CCDC126: variants seen among roughly 807,000 people sequenced by gnomAD.
The protein encoded by CCDC126 is coiled-coil domain-containing protein 126.
A neutral mutation model predicts 11.7 loss-of-function variants in CCDC126; 5 were observed. That is an observed-to-expected ratio of 0.43 (90% CI 0.22 to 0.90). The LOEUF (loss-of-function observed/expected upper bound fraction) is 0.90. CCDC126 is among the 40% of genes least tolerant of loss of function. The probability of loss-of-function intolerance (pLI) is 0.27; values close to 1 mark genes in which losing one functional copy is unlikely to be tolerated. For synonymous variants in CCDC126, 60 were observed against 61.9 expected (o/e 0.97, Z 0.14); for missense variants, 150 against 163.1 (o/e 0.92, Z 0.44).
intron 2 of CCDC126, among the ~76,000 whole-genome samples, chr7:23,606,406 T>C (rs1326845896): frequency 1.2e-4 from 18 of 150,754 alleles, no homozygotes; most frequent in Non-Finnish European, 2.5e-4. Context: ...AGGTTGAGCA[T>C]TTTTTTTTAT....
intron 3 of CCDC126, among the ~76,000 whole-genome samples, chr7:23,637,758 G>C (rs1221411730): frequency 4.5e-5 from 3 of 67,226 alleles, no homozygotes; most frequent in Non-Finnish European, 6.5e-5. Context: ...GGTGAGGGGC[G>C]CCTCTGCCCG....
chr7:23,613,872 G>T (rs570592549), intron 3 of CCDC126, among the ~76,000 whole-genome samples: 1 of 152,192 alleles, frequency 6.6e-6, no homozygotes. Context: ...TCTCTTAAGT[G>T]TGCAGTAGCA....
chr7:23,633,486 T>G (rs552356126), intron 3 of CCDC126, among the ~76,000 whole-genome samples: 1 of 152,288 alleles, frequency 6.6e-6, no homozygotes, highest in East Asian at 1.9e-4. Flanking sequence ...ATATTTAGTT[T>G]GTATTTCTTT....
At chr7:23,631,503 A>G (rs1783113760) in intron 3 of CCDC126, among the ~76,000 whole-genome samples, 1 of 152,198 alleles carries the variant, frequency 6.6e-6, no homozygotes, top group African/African-American at 2.4e-5. Flanking sequence ...GCGGTGGCTC[A>G]CGTCTGTAAT....
At chr7:23,610,165 G>A (rs1782685474) in intron 2 of CCDC126, among the ~76,000 whole-genome samples, 1 of 151,928 alleles carries the variant, frequency 6.6e-6, no homozygotes, top group Admixed American at 6.6e-5. Flanking sequence ...TTAAAATTTG[G>A]AATTGTAAAT....
At chr7:23,627,349 T>TA (rs796273654) in intron 3 of CCDC126, among the ~76,000 whole-genome samples, 1,827 of 145,622 alleles carry the variant, frequency 0.013, 36 homozygotes, top group African/African-American at 0.043. Flanking sequence ...ACCCTGGCTC[T>TA]AAAAAAAAAA....
intron 3 of CCDC126, among the ~76,000 whole-genome samples, chr7:23,624,266 C>T (rs1430105844): frequency 6.6e-6 from 1 of 152,136 alleles, no homozygotes; most frequent in Non-Finnish European, 1.5e-5. Context: ...TGCCTGTGTT[C>T]ACTTCACCAT....
chr7:23,616,588 C>T (rs539291480), intron 3 of CCDC126, among the ~76,000 whole-genome samples: 20 of 152,232 alleles, frequency 1.3e-4, no homozygotes, highest in Non-Finnish European at 2.5e-4. Flanking sequence ...AATAATTTTC[C>T]TTGAGATTTT....
intron 3 of CCDC126, among the ~76,000 whole-genome samples, chr7:23,640,325 C>G (rs1427352383): frequency 6.6e-6 from 1 of 151,484 alleles, no homozygotes; most frequent in Non-Finnish European, 1.5e-5. Context: ...TGGAGAAACC[C>G]CACATCTACT....
At chr7:23,604,040 A>C (rs1000620706) in intron 2 of CCDC126, 4 of 152,346 alleles carry the variant, frequency 2.6e-5, no homozygotes, top group East Asian at 3.9e-4. Flanking sequence ...AAATCATTCT[A>C]TCCGAGGTAA....
chr7:23,621,273 TCTC>T (rs1241190460), intron 3 of CCDC126, among the ~76,000 whole-genome samples: 1 of 152,162 alleles, frequency 6.6e-6, no homozygotes, highest in African/African-American at 2.4e-5. Context: ...GGTTTGTAGT[TCTC>T]CTTGAAGAGG....
In CCDC126 at chr7:23,642,760, C is replaced by T. The variant is rs552257949; in HGVS notation, c.239-171C>T. Among the ~76,000 whole-genome samples the T allele has an allele frequency of 2.2e-4, 33 of 148,708 alleles. No individual in the cohort carries two copies. The East Asian group carries it at 6.3e-3, about 28-fold the overall frequency. On this transcript the variant is annotated intron_variant, in intron 3 of 3. Transcript: ENST00000307471. Reference sequence around the variant, plus strand: ...CCTGGGAGACAGAGGGAAACTCCATCTCAAAAAAAAAAAAAAATTAGGCTT... The same window carrying T: ...CCTGGGAGACAGAGGGAAACTCCATTTCAAAAAAAAAAAAAAATTAGGCTT...
intron 3 of CCDC126, among the ~76,000 whole-genome samples, chr7:23,621,588 T>C (rs1408028300): frequency 6.6e-6 from 1 of 152,232 alleles, no homozygotes; most frequent in Non-Finnish European, 1.5e-5. Context: ...TCCTGCCTGA[T>C]TGCCCTGGCC....
chr7:23,636,046 G>A (rs1331799731), intron 3 of CCDC126, among the ~76,000 whole-genome samples: 2 of 150,900 alleles, frequency 1.3e-5, no homozygotes, highest in Admixed American at 6.6e-5. Flanking sequence ...TTTTTTTTTT[G>A]GTGGAGACGG....
At chr7:23,603,775 G>T (rs1782578237) in intron 2 of CCDC126, among the ~76,000 whole-genome samples, 1 of 152,184 alleles carries the variant, frequency 6.6e-6, no homozygotes, top group Non-Finnish European at 1.5e-5. Flanking sequence ...GGTGGGGTTA[G>T]GTTCAGGGAT....
chr7:23,599,768 T>C (rs2128013180), intron 2 of CCDC126, among the ~76,000 whole-genome samples: 1 of 152,186 alleles, frequency 6.6e-6, no homozygotes, highest in East Asian at 1.9e-4. Flanking sequence ...CTGCATAGTT[T>C]ATTTTATTGC....
chr7:23,642,499 ACACCTGTAATCCTAG>A (rs1336073633), intron 3 of CCDC126, among the ~76,000 whole-genome samples: 3 of 152,172 alleles, frequency 2.0e-5, no homozygotes, highest in African/African-American at 7.2e-5. Context: ...GCAGTGGCTG[ACACCTGTAATCCTAG>A]CACTTTGGGA....
intron 3 of CCDC126, among the ~76,000 whole-genome samples, chr7:23,612,102 C>T (rs1017754642): frequency 6.8e-5 from 10 of 147,412 alleles, no homozygotes; most frequent in African/African-American, 2.0e-4. Flanking sequence ...GCTGAGATCG[C>T]GCCGCTGCAC....
intron 2 of CCDC126, among the ~76,000 whole-genome samples, chr7:23,604,997 C>CAAA (rs35137744): frequency 1.1e-5 from 1 of 92,634 alleles, no homozygotes; most frequent in Non-Finnish European, 2.2e-5. Context: ...GACTTCGTCT[C>CAAA]AAAAAAAAAA....
Sources: allele counts gnomAD v4.1 joint callset (sites outside exome capture counted in the v4.1 genomes callset), GRCh38; gene constraint gnomAD v4.1.1; transcripts MANE v1.5; gene names NCBI Gene and HGNC (gene_info 2026-07-23, HGNC 2026-07-21).